The following OSGIN1 variants were observed in gnomAD, a reference collection of about 807,000 sequenced individuals.
OSGIN1 encodes the protein oxidative stress induced growth inhibitor 1.
In OSGIN1, 19 loss-of-function variants were observed where a neutral mutation model predicts 20.1. The observed-to-expected ratio is 0.95, with a 90% CI of 0.66 to 1.39. The LOEUF (loss-of-function observed/expected upper bound fraction) is 1.39. OSGIN1 is among the 40% of genes most tolerant of loss of function. The pLI, the probability that OSGIN1 is intolerant of heterozygous loss-of-function variation, is 0.00. For synonymous variants in OSGIN1, 368 were observed against 297.8 expected (o/e 1.24, Z -2.43); for missense variants, 820 against 653.0 (o/e 1.26, Z -2.79).
chr16:83,965,561 C>T lies in OSGIN1; in HGVS notation c.988C>T (p.Pro330Ser), dbSNP rs1424213493. The T allele has an allele frequency of 1.9e-6, 3 of 1,612,898 alleles. No homozygotes were observed. In the South Asian group the frequency reaches 3.3e-5, roughly 18 times the overall value. The change falls in exon 6 of 6, where the codon CCC becomes TCC. Residue 330 changes from proline to serine, a missense_variant. Coordinates refer to ENST00000393306, the MANE Select transcript of OSGIN1 (RefSeq NM_182981.3). ...DDPGLVFNQL[P>S]KMLYPEYHKV... ...CCCTGGCCTGGTGTTCAACCAGCTG[C>T]CCAAGATGCTGTACCCCGAGTACCA...
chr16:83,955,205 C>G (rs981731008), intron 1 of OSGIN1, among the ~76,000 whole-genome samples: 2 of 152,168 alleles, frequency 1.3e-5, no homozygotes, highest in African/African-American at 4.8e-5. Flanking sequence ...TCGAGGGTAT[C>G]AGGAGCAAGC....
rs532167862 is a variant in OSGIN1 at position 83,953,394 on chromosome 16, G to A, written c.-33+24G>A. On this transcript the variant is annotated intron_variant, in intron 1 of 5. Coordinates refer to ENST00000393306, the MANE Select transcript of OSGIN1 (RefSeq NM_182981.3). Reference sequence around the variant, plus strand: ...AGGTGAGTGTCCGGGGCCAGGTTCCGGGGCAGGGAATCAGGCACATCCCAG... The same window carrying A: ...AGGTGAGTGTCCGGGGCCAGGTTCCAGGGCAGGGAATCAGGCACATCCCAG... The A allele has an allele frequency of 3.4e-5, 44 of 1,288,302 alleles. 1 individual carries two copies. The African/African-American group carries it at 5.3e-4, about 16-fold the overall frequency. The allele number at this position is 1,288,302 out of a possible 1,614,324, so 79.8% of individuals were successfully genotyped here. A position where few individuals can be genotyped will look rare whatever the true frequency, so the allele number is the denominator to read the frequency against.
chr16:83,960,606 C>T lies in OSGIN1; in HGVS notation c.242C>T (p.Ser81Phe). 11 of 1,613,460 alleles carry T rather than the reference C, an allele frequency of 6.8e-6. No individual in the cohort carries two copies. Among genetic ancestry groups the T allele is most frequent in the Non-Finnish European group, 9.3e-6 (11 of 1,180,022 alleles). The stretch of plus-strand genomic sequence containing the variant: ...CTGTCCGAAGGCCTCGAAGGCCGAT[C>T]CCAAAGCCCCGTGGCCCTGCTCTTT... ...DYLSEGLEGRSQSPVALLFDA... is the reference protein window; with the variant it reads ...DYLSEGLEGRFQSPVALLFDA... The change falls in exon 4 of 6, where the codon TCC becomes TTC. Residue 81 changes from serine (S) to phenylalanine (F), a missense_variant. Transcript: ENST00000393306.
chr16:83,954,786 G>C, intron 1 of OSGIN1: 1 of 979,830 alleles, frequency 1.0e-6, no homozygotes, highest in Non-Finnish European at 1.2e-6. Context: ...TGCCTGCAAA[G>C]GGTGGGAAGG....
rs763066831 is a variant in OSGIN1, at chr16:83,960,745, C to T, written c.381C>T (p.Pro127=). 99 of 1,613,020 alleles carry T rather than the reference C, an allele frequency of 6.1e-5. 2 individuals are homozygous for T. Among genetic ancestry groups the T allele is most frequent in the Middle Eastern group, 3.3e-4 (2 of 6,082 alleles). The change falls in exon 4 of 6, where the codon CCC becomes CCT. Residue 127 remains proline (P), a synonymous_variant. Coordinates refer to ENST00000393306, the MANE Select transcript of OSGIN1 (RefSeq NM_182981.3). The part of the protein sequence containing the change: ...IPHVVLGRNL[P]GGAWHSIEGS... ...ACGTGGTTCTGGGCCGGAACCTCCC[C>T]GGGGGAGCCTGGCACGTGAGTGGGG...
At chr16:83,958,944 A>G (rs745355389) in intron 2 of OSGIN1, among the ~76,000 whole-genome samples, 1 of 152,046 alleles carries the variant, frequency 6.6e-6, no homozygotes, top group African/African-American at 2.4e-5. Context: ...AAGTAACTTA[A>G]CCTCTCTGTG....
intron 5 of OSGIN1, 77 bp downstream of exon 5, chr16:83,961,149 G>C: frequency 1.7e-6 from 2 of 1,161,390 alleles, no homozygotes; most frequent in Admixed American, 1.7e-5. Flanking sequence ...ACAGGTCTCA[G>C]TTAATTTAGA....
intron 2 of OSGIN1, 137 bp downstream of exon 2, chr16:83,957,875 ATT>A (rs1256846944): frequency 1.1e-5 from 4 of 369,076 alleles, no homozygotes; most frequent in African/African-American, 8.6e-5. Context: ...TTATTTATTT[ATT>A]TATTTATTTA....
At position 83,965,267 on chromosome 16, in the gene OSGIN1, C is replaced by G; in HGVS notation, c.694C>G (p.Gln232Glu). The change falls in exon 6 of 6, where the codon CAG becomes GAG. Residue 232 changes from glutamine (Q) to glutamate (E), a missense_variant. Physicochemically the swap from Gln to Glu is conservative, Grantham distance 29. Transcript: ENST00000393306. ...VSGFLTRNQA[Q>E]QPFSLWARNV... Reference sequence around the variant, plus strand: ...CGGCTTCCTGACCAGGAACCAGGCCCAGCAGCCCTTCTCGCTGTGGGCCCG... The same window carrying G: ...CGGCTTCCTGACCAGGAACCAGGCCGAGCAGCCCTTCTCGCTGTGGGCCCG... 1 of 1,609,012 alleles carries G rather than the reference C, an allele frequency of 6.2e-7. No homozygotes were observed. Among genetic ancestry groups the G allele is most frequent in the Non-Finnish European group, 8.5e-7 (1 of 1,177,422 alleles).
intron 5 of OSGIN1, among the ~76,000 whole-genome samples, chr16:83,963,658 C>T (rs960622869): frequency 3.3e-5 from 5 of 152,114 alleles, no homozygotes; most frequent in South Asian, 2.1e-4. Context: ...AGACGGGCTG[C>T]GCTGGGTTGA....
Position 83,965,082 on chromosome 16 carries a change from C to T in OSGIN1, c.509C>T (p.Ala170Val). The T allele has an allele frequency of 3.8e-6, 6 of 1,583,964 alleles. No individual in the cohort carries two copies. The highest frequency in any genetic ancestry group is 5.2e-6 in the Non-Finnish European group (6 of 1,161,304). Reference sequence around the variant, plus strand: ...AACAGAGGTCTTCGCAACAGCCGGGCCACTGCCGGGGACATCGCCCACTAC... The same window carrying T: ...AACAGAGGTCTTCGCAACAGCCGGGTCACTGCCGGGGACATCGCCCACTAC... ...KKRRGLRNSR[A>V]TAGDIAHYYR... is the part of the protein sequence containing the mutation. Residue 170 changes from alanine (A) to valine (V), a missense_variant, in exon 6 of 6, where the codon GCC becomes GTC. Transcript: ENST00000393306.
chr16:83,962,869 C>T (rs888124670), intron 5 of OSGIN1, among the ~76,000 whole-genome samples: 4 of 152,208 alleles, frequency 2.6e-5, no homozygotes, highest in African/African-American at 7.2e-5. Context: ...GGACGGGAGG[C>T]AGCTTTGCCC....
At chr16:83,960,254 G>A (rs1909139072) in intron 3 of OSGIN1, among the ~76,000 whole-genome samples, 1 of 152,162 alleles carries the variant, frequency 6.6e-6, no homozygotes, top group South Asian at 2.1e-4. Flanking sequence ...GCCCGTCTGT[G>A]TTATCTGCTG....
At chr16:83,961,385 G>T (rs1368457378) in intron 5 of OSGIN1, 2 of 370,364 alleles carry the variant, frequency 5.4e-6, no homozygotes, top group Non-Finnish European at 1.0e-5. Context: ...GTAGGTGAGA[G>T]ATAAACAGTT....
Position 83,965,328 on chromosome 16 carries a change from C to T in OSGIN1, c.755C>T (p.Pro252Leu), listed in dbSNP as rs758826408. The stretch of plus-strand genomic sequence containing the variant: ...CTCGCCACAGGCACGTTCGACAGCC[C>T]GGCCCGGCTGGGCATCCCCGGGGAG... ...VVLATGTFDS[P>L]ARLGIPGEAL... Residue 252 changes from proline to leucine, a missense_variant, in exon 6 of 6, where the codon CCG becomes CTG. Pro to Leu is a moderately conservative substitution (Grantham distance 98). Coordinates refer to ENST00000393306, the MANE Select transcript of OSGIN1 (RefSeq NM_182981.3). 9.5e-6 allele frequency: 15 copies of T among 1,576,066 alleles called. No individual in the cohort carries two copies. In the African/African-American group the frequency reaches 1.2e-4, roughly 13 times the overall value.
Position 83,953,390 on chromosome 16 carries a change from T to C in OSGIN1, c.-33+20T>C. The C allele has an allele frequency of 7.8e-7, 1 of 1,288,384 alleles. No homozygotes were observed. Among genetic ancestry groups the C allele is most frequent in the Non-Finnish European group, 1.0e-6 (1 of 988,254 alleles). The allele number at this position is 1,288,384 out of a possible 1,614,324, so 79.8% of individuals were successfully genotyped here. ...TGTCAGGTGAGTGTCCGGGGCCAGG[T>C]TCCGGGGCAGGGAATCAGGCACATC... On this transcript the variant is annotated intron_variant, in intron 1 of 5. Coordinates refer to ENST00000393306, the MANE Select transcript of OSGIN1 (RefSeq NM_182981.3).
rs375648636 is a variant in OSGIN1, at chr16:83,960,804, C to T, written c.396+44C>T. On this transcript the variant is annotated intron_variant, in intron 4 of 5. Transcript: ENST00000393306. ...GCATGGCTTGTGGGGGGCTCTCTCC[C>T]TCGTTCTCCCCACTTGGGGCTGGGA... The T allele has an allele frequency of 3.8e-6, 6 of 1,587,528 alleles. No homozygotes were observed. The African/African-American group carries it at 8.1e-5, about 21-fold the overall frequency.
At chr16:83,962,092 C>T (rs1407082704) in intron 5 of OSGIN1, among the ~76,000 whole-genome samples, 1 of 151,902 alleles carries the variant, frequency 6.6e-6, no homozygotes, top group African/African-American at 2.4e-5. Flanking sequence ...ACAGCTCACC[C>T]CAAACCCACA....
chr16:83,957,537 C>A, intron 1 of OSGIN1, 103 bp from the exon 2 acceptor site: 1 of 685,150 alleles, frequency 1.5e-6, no homozygotes, highest in African/African-American at 1.8e-5. Flanking sequence ...CGGACCAGAC[C>A]CTGAGGGCCA....
Sources: gnomAD v4.1 joint callset for allele counts (sites outside exome capture counted in the v4.1 genomes callset) on GRCh38, gnomAD v4.1.1 for gene constraint, MANE v1.5 for transcripts, NCBI Gene and HGNC (gene_info 2026-07-23, HGNC 2026-07-21) for gene names.